FAT3: variants seen among roughly 807,000 people sequenced by gnomAD.
The protein encoded by FAT3 is protocadherin Fat 3.
FAT3 carries 95 observed loss-of-function variants against 310.2 expected under a neutral mutation model. The observed-to-expected ratio is 0.31, with a 90% CI of 0.26 to 0.36. The LOEUF is 0.36. Among genes scored for constraint, FAT3 ranks in the 10% least tolerant of loss-of-function variants. The pLI is 1.00. For synonymous variants in FAT3, 2,314 were observed against 2,192.9 expected, an observed-to-expected ratio of 1.06 and a Z score of -1.54; for missense variants, 5,408 against 5,715.6, an observed-to-expected ratio of 0.95 and a Z score of 1.74.
At chr11:92,836,807 GT>G in intron 16 of FAT3, 104 bp downstream of exon 16, 1 of 1,330,112 alleles carries the variant, frequency 7.5e-7, no homozygotes, top group Non-Finnish European at 1.0e-6. Flanking sequence ...TCCATTCTAA[GT>G]AATGAGAGTA....
chr11:92,720,466 A>G (rs1290358005), intron 4 of FAT3, among the ~76,000 whole-genome samples: 1 of 152,242 alleles, frequency 6.6e-6, no homozygotes, highest in Non-Finnish European at 1.5e-5. Flanking sequence ...TCGTTTCTAT[A>G]AAATGAATCT....
intron 1 of FAT3, among the ~76,000 whole-genome samples, chr11:92,225,644 T>A (rs1863873713): frequency 6.6e-6 from 1 of 151,946 alleles, no homozygotes; most frequent in Admixed American, 6.6e-5. Context: ...GAGGTGCAAG[T>A]TGGGTCATCG....
intron 1 of FAT3, among the ~76,000 whole-genome samples, chr11:92,345,798 C>T (rs1892926): frequency 1 from 150,768 of 151,028 alleles, 75,254 homozygotes; most frequent in Middle Eastern, 1. Context: ...TTTTAGCTTT[C>T]TAATAGGCAA....
chr11:92,847,436 C>T (rs530413491), intron 19 of FAT3, among the ~76,000 whole-genome samples: 13 of 152,254 alleles, frequency 8.5e-5, no homozygotes, highest in African/African-American at 2.9e-4. Flanking sequence ...TGCACAATGA[C>T]GAAATAGCCC....
chr11:92,584,600 C>G (rs80271554), intron 3 of FAT3, among the ~76,000 whole-genome samples: 2,451 of 149,278 alleles, frequency 0.016, 64 homozygotes, highest in African/African-American at 0.057. Flanking sequence ...ATTTTTGAAA[C>G]AGGTATGTCC....
chr11:92,692,010 A>G (rs949622546), intron 3 of FAT3, among the ~76,000 whole-genome samples: 7 of 152,116 alleles, frequency 4.6e-5, no homozygotes, highest in Non-Finnish European at 1.0e-4. Context: ...TTATTATCCT[A>G]TTTTTCTCCC....
chr11:92,307,974 AT>A (rs764617094), intron 1 of FAT3, among the ~76,000 whole-genome samples: 37 of 150,198 alleles, frequency 2.5e-4, no homozygotes, highest in African/African-American at 3.9e-4. Context: ...TATCAGAGGG[AT>A]TTTTTTTTTC....
At chr11:92,445,214 A>T (rs1951181718) in intron 2 of FAT3, among the ~76,000 whole-genome samples, 1 of 152,206 alleles carries the variant, frequency 6.6e-6, no homozygotes, top group East Asian at 1.9e-4. Context: ...AAGCAAACTA[A>T]TACACTAATA....
rs564673225 is a variant in FAT3 at position 92,616,305 on chromosome 11, C to CT, written c.3608-81070dup. 7.3e-3 allele frequency among the ~76,000 whole-genome samples: 1,108 copies of CT among 151,246 alleles called. 15 individuals carry two copies. Among genetic ancestry groups the CT allele is most frequent in the African/African-American group, 0.025 (1,034 of 41,248 alleles). ...TCAGAGACTGGGATTGGAACCCCTG[C>CT]TTTTTTTTTGTTTTCCATTTGCTTG... On this transcript the variant is annotated intron_variant, in intron 3 of 27. Coordinates refer to ENST00000525166, the MANE Select transcript of FAT3 (RefSeq NM_001367949.2).
rs1448341536 is a variant in FAT3 at position 92,882,831 on chromosome 11, G to A, written c.12375G>A (p.Thr4125=). Residue 4125 remains threonine, a synonymous_variant, in exon 24 of 28, where the codon ACG becomes ACA. Transcript: ENST00000525166. Reference sequence around the variant, plus strand: ...TCGGCTCCTTCCTCTGCAACTGCACGCCGGGCTACGTGGGCCAGTACTGCG... The same window carrying A: ...TCGGCTCCTTCCTCTGCAACTGCACACCGGGCTACGTGGGCCAGTACTGCG... ...NVFGSFLCNC[T]PGYVGQYCGL... The A allele has an allele frequency of 3.1e-6, 5 of 1,611,668 alleles. No individual in the cohort carries two copies. The highest frequency in any genetic ancestry group is 2.2e-5 in the East Asian group (1 of 44,826).
At chr11:92,553,846 C>T (rs1209271106) in intron 3 of FAT3, among the ~76,000 whole-genome samples, 1 of 151,434 alleles carries the variant, frequency 6.6e-6, no homozygotes. Context: ...ACTCTTGTTG[C>T]CCAGGCTGGA....
At chr11:92,536,646 G>T (rs977573110) in intron 3 of FAT3, among the ~76,000 whole-genome samples, 3 of 152,152 alleles carry the variant, frequency 2.0e-5, no homozygotes, top group Non-Finnish European at 4.4e-5. Context: ...TGTCCACATT[G>T]TATGATTAAG....
chr11:92,373,029 A>T (rs768021334), intron 2 of FAT3, among the ~76,000 whole-genome samples: 1 of 152,002 alleles, frequency 6.6e-6, no homozygotes, highest in Non-Finnish European at 1.5e-5. Flanking sequence ...TATTTTATGG[A>T]ATGTACGTGT....
rs1201828548 is a variant in FAT3 at position 92,798,533 on chromosome 11, C to G, written c.5520C>G (p.Asp1840Glu). ...CAATCAGAACAATTGCCAACCTGGA[C>G]CATGAAACCATTGCCCATTTCCATT... ...TGAIRTIANL[D>E]HETIAHFHFH... The change falls in exon 10 of 28, where the codon GAC becomes GAG. Residue 1840 changes from aspartate to glutamate, a missense_variant. Asp to Glu is a conservative substitution (Grantham distance 45). Transcript: ENST00000525166. 2 of 1,613,768 alleles carry G rather than the reference C, an allele frequency of 1.2e-6. No homozygotes were observed. The highest frequency in any genetic ancestry group is 1.7e-6 in the Non-Finnish European group (2 of 1,179,796).
chr11:92,378,763 G>A (rs1949417230), intron 2 of FAT3, among the ~76,000 whole-genome samples: 1 of 152,198 alleles, frequency 6.6e-6, no homozygotes, highest in Non-Finnish European at 1.5e-5. Flanking sequence ...ATTACTAGAG[G>A]CTTGGAAGTC....
intron 3 of FAT3, among the ~76,000 whole-genome samples, chr11:92,596,240 CCAGTCCCA>C (rs1207660744): frequency 6.6e-6 from 1 of 152,072 alleles, no homozygotes; most frequent in Non-Finnish European, 1.5e-5. Context: ...CTCTGACTAC[CCAGTCCCA>C]CTTTCTGAAG....
chr11:92,373,760 GCACACACACACACACACACA>G lies in FAT3; in HGVS notation c.3292+18387_3292+18406del, dbSNP rs57651290. Among the ~76,000 whole-genome samples the G allele has an allele frequency of 5.6e-3, 734 of 130,066 alleles. 16 individuals carry two copies. Among genetic ancestry groups the G allele is most frequent in the African/African-American group, 0.016 (604 of 37,138 alleles). 85.3% of individuals were successfully genotyped at this position (130,066 alleles called of 152,430 possible). On this transcript the variant is annotated intron_variant, in intron 2 of 27. Transcript: ENST00000525166. ...AGACAGAACCAGTGGAGATATGTAT[GCACACACACACACACACACA>G]CACACACACACACACACACACACAC...
intron 1 of FAT3, among the ~76,000 whole-genome samples, chr11:92,337,033 G>A (rs546345535): frequency 1.3e-5 from 2 of 152,254 alleles, no homozygotes; most frequent in Admixed American, 6.5e-5. Flanking sequence ...CCCTGGTGAG[G>A]CTGGTGCTGT....
At chr11:92,728,821 C>T (rs747893598) in intron 4 of FAT3, among the ~76,000 whole-genome samples, 2 of 152,226 alleles carry the variant, frequency 1.3e-5, no homozygotes, top group African/African-American at 2.4e-5. Context: ...CTTCCTCTTC[C>T]GAGTGTAACC....
Sources: allele counts gnomAD v4.1 joint callset (sites outside exome capture counted in the v4.1 genomes callset), GRCh38; gene constraint gnomAD v4.1.1; transcripts MANE v1.5; gene names NCBI Gene and HGNC (gene_info 2026-07-23, HGNC 2026-07-21).